CELF2: variants seen among roughly 807,000 people sequenced by gnomAD.
CELF2 encodes CUG triplet repeat RNA-binding protein 2.
CELF2 carries 8 observed loss-of-function variants against 62.6 expected under a neutral mutation model. The ratio of observed to expected loss-of-function variants is 0.13; its 90% confidence interval spans 0.07 to 0.23. The LOEUF (loss-of-function observed/expected upper bound fraction) is 0.23. Ranked by LOEUF, CELF2 falls within the 10% of genes least tolerant of loss-of-function variation. The pLI is 1.00. For missense variants in CELF2, 333 were observed against 671.0 expected (o/e 0.50, Z 5.56); for synonymous variants, 258 against 250.0 (o/e 1.03, Z -0.30).
intron 2 of CELF2, among the ~76,000 whole-genome samples, chr10:10,967,013 TAAATTTAA>T: frequency 6.6e-6 from 1 of 152,230 alleles, no homozygotes; most frequent in East Asian, 1.9e-4. Context: ...CTAGACAAAT[TAAATTTAA>T]CAGAGTTTAA....
chr10:10,611,170 T>G, the CELF2 span, among the ~76,000 whole-genome samples: 1 of 152,058 alleles, frequency 6.6e-6, no homozygotes, highest in South Asian at 2.1e-4. Context: ...TGTGGCCTCA[T>G]GCAGATGCGG....
chr10:10,638,576 C>T, the CELF2 span, among the ~76,000 whole-genome samples: 1 of 152,088 alleles, frequency 6.6e-6, no homozygotes, highest in African/African-American at 2.4e-5. Flanking sequence ...GAGACAAGTC[C>T]TGTTATCTAA....
chr10:11,307,488 T>A (rs553602176), intron 9 of CELF2, among the ~76,000 whole-genome samples: 1 of 152,360 alleles, frequency 6.6e-6, no homozygotes, highest in African/African-American at 2.4e-5. Flanking sequence ...AGATCCTATA[T>A]CATTTTGTCT....
chr10:10,962,502 T>G (rs1823688158), intron 2 of CELF2, among the ~76,000 whole-genome samples: 1 of 151,740 alleles, frequency 6.6e-6, no homozygotes, highest in African/African-American at 2.4e-5. Flanking sequence ...GCTGGGTAAG[T>G]GCTTGAGGCC....
chr10:11,120,405 G>A (rs796829793), intron 1 of CELF2, among the ~76,000 whole-genome samples: 11 of 152,204 alleles, frequency 7.2e-5, no homozygotes, highest in African/African-American at 2.4e-4. Flanking sequence ...TGTTCTAACA[G>A]GTTTGCATTT....
chr10:10,664,043 T>C, the CELF2 span, among the ~76,000 whole-genome samples: 1 of 152,180 alleles, frequency 6.6e-6, no homozygotes, highest in Non-Finnish European at 1.5e-5. Context: ...GGAGGATAGA[T>C]GCATGTTAAC....
intron 2 of CELF2, among the ~76,000 whole-genome samples, chr10:10,950,707 G>C (rs1353874787): frequency 2.0e-5 from 3 of 152,170 alleles, no homozygotes; most frequent in Non-Finnish European, 4.4e-5. Context: ...ACATAGCATT[G>C]CAACTTTCCT....
the CELF2 span, among the ~76,000 whole-genome samples, chr10:10,773,039 G>A: frequency 3.3e-5 from 5 of 152,336 alleles, no homozygotes; most frequent in African/African-American, 1.2e-4. Flanking sequence ...GGGGACAGCA[G>A]AAGGTAATTT....
At chr10:10,690,839 CA>C in the CELF2 span, among the ~76,000 whole-genome samples, 1,288 of 152,214 alleles carry the variant, frequency 8.5e-3, 7 homozygotes, top group African/African-American at 0.012. Flanking sequence ...TAGATCGTGC[CA>C]ACTGCATTCC....
chr10:11,135,347 T>C (rs1406146024), intron 1 of CELF2, among the ~76,000 whole-genome samples: 2 of 152,236 alleles, frequency 1.3e-5, no homozygotes, highest in Non-Finnish European at 1.5e-5. Context: ...AAGTCTTTTC[T>C]CGTACATGAC....
intron 1 of CELF2, among the ~76,000 whole-genome samples, chr10:10,843,754 T>C: frequency 6.6e-6 from 1 of 152,072 alleles, no homozygotes; most frequent in Non-Finnish European, 1.5e-5. Flanking sequence ...TAGAAGGGTA[T>C]TAAAGCAGTG....
chr10:10,880,176 T>C (rs1009492793), intron 1 of CELF2, among the ~76,000 whole-genome samples: 2 of 152,158 alleles, frequency 1.3e-5, no homozygotes, highest in Non-Finnish European at 2.9e-5. Context: ...AGACTGTTAC[T>C]AGTTTCTTGA....
chr10:11,026,760 G>A (rs546940128), intron 1 of CELF2, among the ~76,000 whole-genome samples: 4 of 152,286 alleles, frequency 2.6e-5, no homozygotes, highest in Admixed American at 6.5e-5. Flanking sequence ...AACAGAAGGG[G>A]CCACAGCCGT....
Position 11,249,148 on chromosome 10 carries a change from T to C in CELF2, c.355-5T>C. Reference sequence around the variant, plus strand: ...GCCTTTACTTTCTCCCTTTTGTGTTTTTAGATGCATCATCCCATTCAGATG... The same window carrying C: ...GCCTTTACTTTCTCCCTTTTGTGTTCTTAGATGCATCATCCCATTCAGATG... On this transcript the variant is annotated splice_polypyrimidine_tract_variant and splice_region_variant and intron_variant, in intron 3 of 12. Coordinates refer to ENST00000633077, the MANE Select transcript of CELF2 (RefSeq NM_001326342.2). 1 of 1,612,966 alleles carries C rather than the reference T, an allele frequency of 6.2e-7. No homozygotes were observed. Among genetic ancestry groups the C allele is most frequent in the Non-Finnish European group, 8.5e-7 (1 of 1,178,902 alleles).
At chr10:10,780,698 C>A in the CELF2 span, among the ~76,000 whole-genome samples, 1 of 152,176 alleles carries the variant, frequency 6.6e-6, no homozygotes, top group African/African-American at 2.4e-5. Context: ...CCAGGATGGT[C>A]TCCATCTCTT....
At chr10:10,809,021 GC>G (rs1326441716) in intron 1 of CELF2, among the ~76,000 whole-genome samples, 1 of 152,120 alleles carries the variant, frequency 6.6e-6, no homozygotes, top group Non-Finnish European at 1.5e-5. Flanking sequence ...ACATGTTGAG[GC>G]CCTAACCCCC....
At chr10:11,127,229 C>A (rs2058856802) in intron 1 of CELF2, among the ~76,000 whole-genome samples, 1 of 152,020 alleles carries the variant, frequency 6.6e-6, no homozygotes, top group Non-Finnish European at 1.5e-5. Flanking sequence ...TGAACTCATC[C>A]TTTTTATGGC....
rs985711800 is a variant in CELF2, at chr10:11,328,635, G to C, written c.1439-291G>C. The stretch of plus-strand genomic sequence containing the variant: ...ACAATGATTTGAGCGAGTTCAGTAA[G>C]TGGAACTGAATTCAGCCAAACAATT... On this transcript the variant is annotated intron_variant, in intron 12 of 12. Transcript: ENST00000633077. The surrounding 1 kb of genome is among the most constrained non-coding windows in gnomAD (Gnocchi z 6.4). 6.6e-6 allele frequency among the ~76,000 whole-genome samples: 1 copy of C among 152,228 alleles called. No homozygotes were observed. The highest frequency in any genetic ancestry group is 2.4e-5 in the African/African-American group (1 of 41,462).
intron 1 of CELF2, among the ~76,000 whole-genome samples, chr10:10,843,548 T>C (rs561295422): frequency 1.3e-5 from 2 of 152,154 alleles, no homozygotes; most frequent in African/African-American, 4.8e-5. Flanking sequence ...GTATGGTCTA[T>C]ATTTGTCAAA....
Sources: allele counts gnomAD v4.1 joint callset (sites outside exome capture counted in the v4.1 genomes callset), GRCh38; gene constraint gnomAD v4.1.1; non-coding constraint Gnocchi (gnomAD v3.1); transcripts MANE v1.5; gene names NCBI Gene and HGNC (gene_info 2026-07-23, HGNC 2026-07-21).